Variants in DPP6 observed in about 807,000 individuals in gnomAD.
DPP6 encodes dipeptidyl peptidase like 6.
DPP6 carries 69 observed loss-of-function variants against 122.6 expected under a neutral mutation model. The ratio of observed to expected loss-of-function variants is 0.56; its 90% CI spans 0.46 to 0.69. DPP6 has a LOEUF of 0.69. Ranked by LOEUF, DPP6 falls within the 30% of genes least tolerant of loss-of-function variation. The pLI, the probability that DPP6 is intolerant of heterozygous loss-of-function variation, is 0.00. For missense variants in DPP6, 928 were observed against 1,116.9 expected, an observed-to-expected ratio of 0.83 and a Z score of 2.41; for synonymous variants, 418 against 433.1, an observed-to-expected ratio of 0.97 and a Z score of 0.43.
intron 1 of DPP6, among the ~76,000 whole-genome samples, chr7:153,989,363 G>A (rs1287126360): frequency 2.0e-5 from 3 of 151,246 alleles, no homozygotes; most frequent in African/African-American, 7.3e-5. Flanking sequence ...GTGGGGGAGT[G>A]AGTATGGGGA....
At chr7:154,679,516 A>C (rs3807225) in intron 7 of DPP6, among the ~76,000 whole-genome samples, 28,945 of 152,048 alleles carry the variant, frequency 0.19, 2,979 homozygotes, top group South Asian at 0.32. Context: ...TCCTCCTACA[A>C]GTTACAGCCT....
chr7:154,607,336 GA>G lies in DPP6; in HGVS notation c.628-30484del, dbSNP rs1456157546. Among the ~76,000 whole-genome samples, 2 of 117,522 alleles carry G rather than the reference GA, an allele frequency of 1.7e-5. 1 individual carries two copies. Among genetic ancestry groups the G allele is most frequent in the Non-Finnish European group, 3.8e-5 (2 of 52,652 alleles). 77.1% of individuals were successfully genotyped at this position (117,522 alleles called of 152,430 possible). A position where few individuals can be genotyped will look rare whatever the true frequency, so the allele number is the denominator to read the frequency against. On this transcript the variant is annotated intron_variant, in intron 5 of 25. Transcript: ENST00000377770. ...GCACTTTGGGAGGCCGAGGCAGGCGGATCACGAGGTTAGGAGATTGAGACCA... is the reference window on the plus strand; with the variant it reads ...GCACTTTGGGAGGCCGAGGCAGGCGGTCACGAGGTTAGGAGATTGAGACCA...
At chr7:153,943,859 G>A (rs926140678) in intron 1 of DPP6, among the ~76,000 whole-genome samples, 2 of 149,648 alleles carry the variant, frequency 1.3e-5, no homozygotes, top group Non-Finnish European at 3.0e-5. Flanking sequence ...GAGTCTGAGT[G>A]ATGCTCTGCT....
chr7:153,759,603 G>T, the DPP6 span, among the ~76,000 whole-genome samples: 6 of 152,000 alleles, frequency 3.9e-5, no homozygotes, highest in East Asian at 9.7e-4. Flanking sequence ...AAGTGCTGGG[G>T]TTACAGCTGT....
At chr7:154,239,991 TTAAAAAAAAAAAAAAAAAAAAAAAAA>T (rs1315608125) in intron 1 of DPP6, among the ~76,000 whole-genome samples, 2 of 66,214 alleles carry the variant, frequency 3.0e-5, no homozygotes, top group Non-Finnish European at 5.0e-5. Flanking sequence ...GATGCTGTCT[TTAAAAAAAAAAAAAAAAAAAAAAAAA>T]AAAAAAAAAA....
At chr7:154,277,906 G>A (rs940573343) in intron 1 of DPP6, among the ~76,000 whole-genome samples, 4 of 152,156 alleles carry the variant, frequency 2.6e-5, no homozygotes, top group Admixed American at 1.3e-4. Context: ...AGTGCATACT[G>A]TGCTGAAACT....
At chr7:154,372,225 T>C (rs1180921266) in intron 1 of DPP6, among the ~76,000 whole-genome samples, 1 of 152,172 alleles carries the variant, frequency 6.6e-6, no homozygotes, top group African/African-American at 2.4e-5. Context: ...AGGCTGGTGC[T>C]CGCTAATCAT....
In DPP6 at chr7:154,303,524, A is replaced by G. The variant is rs953730330; in HGVS notation, c.244-142690A>G. Among the ~76,000 whole-genome samples, 63 of 152,090 alleles carry G rather than the reference A, an allele frequency of 4.1e-4. 1 individual carries two copies. Among genetic ancestry groups the G allele is most frequent in the Middle Eastern group, 6.8e-3 (2 of 294 alleles). On this transcript the variant is annotated intron_variant, in intron 1 of 25. Coordinates refer to ENST00000377770, the MANE Select transcript of DPP6 (RefSeq NM_130797.4). Reference sequence around the variant, plus strand: ...TGCTTGGCCCGGCCCAGTCCCTCCTACCAACACTGATAAGAACTTAGGTTC... The same window carrying G: ...TGCTTGGCCCGGCCCAGTCCCTCCTGCCAACACTGATAAGAACTTAGGTTC...
the DPP6 span, among the ~76,000 whole-genome samples, chr7:153,768,368 G>C: frequency 2.0e-5 from 3 of 152,160 alleles, no homozygotes; most frequent in South Asian, 6.2e-4. Flanking sequence ...AAGTGCATTT[G>C]TAAGGAGAAC....
intron 2 of DPP6, among the ~76,000 whole-genome samples, chr7:154,460,126 C>G (rs550808262): frequency 2.6e-5 from 4 of 151,722 alleles, no homozygotes; most frequent in African/African-American, 9.7e-5. Context: ...GTATTACAGA[C>G]GTGTACCACC....
intron 2 of DPP6, among the ~76,000 whole-genome samples, chr7:154,463,925 GA>G (rs1488811377): frequency 1.3e-5 from 2 of 152,160 alleles, no homozygotes; most frequent in Non-Finnish European, 2.9e-5. Context: ...TTGGGTTTGT[GA>G]AGAGGTGATG....
At chr7:153,950,376 CTAGGAA>C (rs1212416099) in intron 1 of DPP6, among the ~76,000 whole-genome samples, 1 of 152,114 alleles carries the variant, frequency 6.6e-6, no homozygotes, top group Non-Finnish European at 1.5e-5. Flanking sequence ...TAGAGCTGGA[CTAGGAA>C]TTGGAAGCCT....
chr7:154,826,926 A>C (rs1800198198), intron 16 of DPP6, among the ~76,000 whole-genome samples: 1 of 152,164 alleles, frequency 6.6e-6, no homozygotes, highest in African/African-American at 2.4e-5. Context: ...ACACCACTTT[A>C]AACACATTTT....
chr7:153,770,478 A>C, the DPP6 span, among the ~76,000 whole-genome samples: 1 of 152,022 alleles, frequency 6.6e-6, no homozygotes, highest in Non-Finnish European at 1.5e-5. Flanking sequence ...CGAATCCCAA[A>C]CCCAGCCCAA....
At chr7:154,647,990 C>T (rs1029831173) in intron 6 of DPP6, among the ~76,000 whole-genome samples, 9 of 151,824 alleles carry the variant, frequency 5.9e-5, no homozygotes, top group Admixed American at 2.6e-4. Context: ...GTGGCTCACG[C>T]GTGTAATCCC....
chr7:153,898,994 G>A lies in DPP6; in HGVS notation c.51+11260G>A, dbSNP rs143890746. Among the ~76,000 whole-genome samples the A allele has an allele frequency of 1.4e-4, 21 of 152,296 alleles. No individual in the cohort carries two copies. The East Asian group carries it at 2.9e-3, about 21-fold the overall frequency. On this transcript the variant is annotated intron_variant, in intron 1 of 25. Transcript: ENST00000404039. ...CACCATTATTCAAGAAGGGAAAGGC[G>A]AGAGACAAAGGCATTCGGCTTCCAT...
intron 16 of DPP6, among the ~76,000 whole-genome samples, chr7:154,848,966 ACT>A (rs1158357964): frequency 6.6e-6 from 1 of 152,052 alleles, no homozygotes; most frequent in Non-Finnish European, 1.5e-5. Context: ...AAATAAATTA[ACT>A]GTAGATGAAT....
chr7:154,616,819 C>T (rs1241891746), intron 5 of DPP6, among the ~76,000 whole-genome samples: 2 of 152,152 alleles, frequency 1.3e-5, no homozygotes, highest in African/African-American at 2.4e-5. Context: ...GAATGTTAAA[C>T]GTTCCATCTC....
chr7:154,360,697 A>C (rs1405596874), intron 1 of DPP6, among the ~76,000 whole-genome samples: 1 of 152,232 alleles, frequency 6.6e-6, no homozygotes, highest in Non-Finnish European at 1.5e-5. Flanking sequence ...CTAAGTGACC[A>C]GCATGTGTGA....
Sources: allele counts gnomAD v4.1 joint callset (sites outside exome capture counted in the v4.1 genomes callset), GRCh38; gene constraint gnomAD v4.1.1; transcripts MANE v1.5; gene names NCBI Gene and HGNC (gene_info 2026-07-23, HGNC 2026-07-21).